The following NOL4L variants were observed in gnomAD, a reference collection of about 807,000 sequenced individuals.
NOL4L encodes the protein nucleolar protein 4 like, also known as nucleolar protein 4-like.
NOL4L carries 7 observed loss-of-function variants against 64.5 expected under a neutral mutation model. The observed-to-expected ratio is 0.11, with a 90% CI of 0.06 to 0.20. The LOEUF (loss-of-function observed/expected upper bound fraction) is 0.20, where lower values mean the gene tolerates loss of function less well. NOL4L is among the 10% of genes least tolerant of loss of function. The pLI is 1.00. For missense variants in NOL4L, 680 were observed against 967.1 expected (o/e 0.70, Z 3.94); for synonymous variants, 413 against 401.0 (o/e 1.03, Z -0.36).
intron 1 of NOL4L, among the ~76,000 whole-genome samples, chr20:32,549,246 G>T (rs536028710): frequency 6.6e-6 from 1 of 152,240 alleles, no homozygotes; most frequent in South Asian, 2.1e-4. Flanking sequence ...ATACAGAAAA[G>T]ATTCTTAAAA....
intron 2 of NOL4L, among the ~76,000 whole-genome samples, chr20:32,526,800 C>T (rs1281993970): frequency 2.0e-5 from 3 of 152,190 alleles, no homozygotes; most frequent in Non-Finnish European, 4.4e-5. Flanking sequence ...CACAGGACTG[C>T]ATCAAGGCTT....
At chr20:32,490,044 G>T (rs543647539) in intron 4 of NOL4L, among the ~76,000 whole-genome samples, 1 of 144,526 alleles carries the variant, frequency 6.9e-6, no homozygotes, top group South Asian at 2.2e-4. Context: ...CAGGAGAATC[G>T]CTTGAACCCA....
Position 32,453,886 on chromosome 20 carries a change from G to T in NOL4L, c.1120-125C>A. ...ATGCCCTGCTGCCACGAGAGCCATA[G>T]CTGCGAGGCCCTGAGCAAGTCACTC... On this transcript the variant is annotated intron_variant, in intron 6 of 10. Coordinates refer to ENST00000621426, the MANE Select transcript of NOL4L (RefSeq NM_001256798.2). This position sits in a 1 kb window ranked among gnomAD's most constrained non-coding sequence, Gnocchi z 5.6. 1 of 839,416 alleles carries T rather than the reference G, an allele frequency of 1.2e-6. No individual in the cohort carries two copies. Among genetic ancestry groups the T allele is most frequent in the Non-Finnish European group, 1.9e-6 (1 of 537,440 alleles). The allele number at this position is 839,416 out of a possible 1,614,324, so 52.0% of individuals were successfully genotyped here. A position where few individuals can be genotyped will look rare whatever the true frequency, so the allele number is the denominator to read the frequency against.
intron 1 of NOL4L, among the ~76,000 whole-genome samples, chr20:32,575,362 G>A (rs544292885): frequency 4.6e-5 from 7 of 152,144 alleles, no homozygotes; most frequent in South Asian, 2.1e-4. Context: ...GGGATCCGTC[G>A]TACAACGCCC....
At chr20:32,584,133 G>GCA (rs745461984) in intron 1 of NOL4L, among the ~76,000 whole-genome samples, 9,146 of 88,652 alleles carry the variant, frequency 0.1, 563 homozygotes, top group African/African-American at 0.14. Flanking sequence ...CTCCGCGCGC[G>GCA]CACACACACA....
At chr20:32,575,374 C>A (rs931895377) in intron 1 of NOL4L, among the ~76,000 whole-genome samples, 2 of 152,216 alleles carry the variant, frequency 1.3e-5, no homozygotes, top group Non-Finnish European at 2.9e-5. Context: ...ACAACGCCCA[C>A]GCTGACCCCG....
intron 4 of NOL4L, among the ~76,000 whole-genome samples, chr20:32,490,278 G>A: frequency 6.6e-6 from 1 of 151,992 alleles, no homozygotes; most frequent in East Asian, 1.9e-4. Context: ...TTGAAACAGT[G>A]TCACAGCCAA....
At chr20:32,456,664 G>T (rs2013563546) in intron 5 of NOL4L, among the ~76,000 whole-genome samples, 1 of 152,182 alleles carries the variant, frequency 6.6e-6, no homozygotes, top group Non-Finnish European at 1.5e-5. Flanking sequence ...CCCCAAACTC[G>T]CAAGCGTTAT....
At chr20:32,527,619 G>T in intron 2 of NOL4L, 139 bp downstream of exon 2, 1 of 985,388 alleles carries the variant, frequency 1.0e-6, no homozygotes, top group Non-Finnish European at 1.4e-6. Context: ...CCCTTGCCCT[G>T]TGCCCCCCTA....
chr20:32,505,736 TAAAGTTCTG>T (rs1157812301), intron 4 of NOL4L, among the ~76,000 whole-genome samples: 1 of 152,018 alleles, frequency 6.6e-6, no homozygotes, highest in Non-Finnish European at 1.5e-5. Context: ...CAAAAAGGAA[TAAAGTTCTG>T]ACACATGCTA....
At chr20:32,552,329 G>A (rs913445941) in intron 1 of NOL4L, among the ~76,000 whole-genome samples, 1 of 152,248 alleles carries the variant, frequency 6.6e-6, no homozygotes, top group Non-Finnish European at 1.5e-5. Context: ...GGCAGGCAGG[G>A]CCAGAAAGGG....
At chr20:32,543,630 GA>G (rs1178019477) in intron 1 of NOL4L, among the ~76,000 whole-genome samples, 1 of 149,832 alleles carries the variant, frequency 6.7e-6, no homozygotes, top group Non-Finnish European at 1.5e-5. Flanking sequence ...AAAAAAAAAA[GA>G]AAAAAAAGAT....
At chr20:32,538,324 C>T (rs1354587580) in intron 1 of NOL4L, among the ~76,000 whole-genome samples, 1 of 152,174 alleles carries the variant, frequency 6.6e-6, no homozygotes, top group Non-Finnish European at 1.5e-5. Flanking sequence ...TTGGGGGGTG[C>T]ACACCAAGGA....
At chr20:32,472,598 G>T (rs1338839259) in intron 5 of NOL4L, among the ~76,000 whole-genome samples, 1 of 152,196 alleles carries the variant, frequency 6.6e-6, no homozygotes, top group Admixed American at 6.5e-5. Context: ...ATGTCTCCAG[G>T]GGGGCCAGAA....
rs202078939 is a variant in NOL4L at position 32,496,387 on chromosome 20, A to AT, written c.699+14959dup. Among the ~76,000 whole-genome samples, 828 of 151,866 alleles carry AT rather than the reference A, an allele frequency of 5.5e-3. 13 individuals are homozygous for AT. Among genetic ancestry groups the AT allele is most frequent in the African/African-American group, 0.018 (748 of 41,380 alleles). ...TACCCCAAATTTCCTCCTTTTGCAT[A>AT]TTTTTTTATATTGCCTTGTTTATCA... On this transcript the variant is annotated intron_variant, in intron 4 of 10. Coordinates refer to ENST00000621426, the MANE Select transcript of NOL4L (RefSeq NM_001256798.2).
At chr20:32,466,549 G>GCT (rs2014573769) in intron 5 of NOL4L, among the ~76,000 whole-genome samples, 3 of 151,882 alleles carry the variant, frequency 2.0e-5, no homozygotes, top group Non-Finnish European at 4.4e-5. Flanking sequence ...TTGGGCCCCA[G>GCT]CTCTCTGCTC....
chr20:32,473,626 A>T (rs1024606539), intron 5 of NOL4L, among the ~76,000 whole-genome samples: 2 of 152,208 alleles, frequency 1.3e-5, no homozygotes, highest in African/African-American at 4.8e-5. Flanking sequence ...AGGTTCTGCC[A>T]TGGAGATGAA....
intron 1 of NOL4L, among the ~76,000 whole-genome samples, chr20:32,557,208 C>A (rs1978710654): frequency 6.6e-6 from 1 of 152,250 alleles, no homozygotes; most frequent in African/African-American, 2.4e-5. Flanking sequence ...CATCCCTGCC[C>A]TGGCCACGAA....
chr20:32,511,017 A>G (rs2017376336), intron 4 of NOL4L, among the ~76,000 whole-genome samples: 1 of 152,024 alleles, frequency 6.6e-6, no homozygotes. Flanking sequence ...GCCAGCGATA[A>G]AGGGCAGAGC....
Sources: allele counts gnomAD v4.1 joint callset (sites outside exome capture counted in the v4.1 genomes callset), GRCh38; gene constraint gnomAD v4.1.1; non-coding constraint Gnocchi (gnomAD v3.1); transcripts MANE v1.5; gene names NCBI Gene and HGNC (gene_info 2026-07-23, HGNC 2026-07-21).